Variants in TYW1 observed in about 807,000 individuals in gnomAD.
The protein encoded by TYW1 is tRNA-yW synthesizing protein 1 homolog, also known as S-adenosyl-L-methionine-dependent tRNA 4-demethylwyosine synthase TYW1.
In TYW1, 46 loss-of-function variants were observed where a neutral mutation model predicts 96.2. The observed-to-expected ratio is 0.48, with a 90% CI of 0.38 to 0.61. TYW1 has a LOEUF of 0.61. TYW1 is among the 20% of genes least tolerant of loss of function. The pLI is 0.00. For synonymous variants in TYW1, 274 were observed against 323.0 expected (o/e 0.85, Z 1.63); for missense variants, 684 against 909.6 (o/e 0.75, Z 3.19).
chr7:67,052,868 G>A (rs1370795392), intron 8 of TYW1, among the ~76,000 whole-genome samples: 4 of 151,884 alleles, frequency 2.6e-5, no homozygotes, highest in Admixed American at 2.6e-4. Context: ...ACCTGCCTCA[G>A]CCTCCTGAGT....
At chr7:67,084,485 T>TGGGAAA (rs1796480926) in intron 11 of TYW1, among the ~76,000 whole-genome samples, 1 of 152,100 alleles carries the variant, frequency 6.6e-6, no homozygotes, top group South Asian at 2.1e-4. Context: ...TCCCAGAGAT[T>TGGGAAA]GGGTCAGTAA....
At chr7:67,206,503 C>T (rs1800802593) in intron 15 of TYW1, among the ~76,000 whole-genome samples, 1 of 151,992 alleles carries the variant, frequency 6.6e-6, no homozygotes, top group Non-Finnish European at 1.5e-5. Context: ...TGGTGGCTGG[C>T]ACCTGTAATC....
At chr7:67,162,072 G>A (rs918584791) in intron 13 of TYW1, among the ~76,000 whole-genome samples, 1 of 151,990 alleles carries the variant, frequency 6.6e-6, no homozygotes, top group Non-Finnish European at 1.5e-5. Flanking sequence ...CAAGTTGGGC[G>A]GATCACAAGT....
chr7:67,109,268 C>T (rs143685054), intron 12 of TYW1, among the ~76,000 whole-genome samples: 22 of 121,450 alleles, frequency 1.8e-4, no homozygotes, highest in East Asian at 1.1e-3. Context: ...AGCGAGACTC[C>T]GTCTCAAAAA....
chr7:67,114,579 G>A (rs1444559638), intron 12 of TYW1, among the ~76,000 whole-genome samples: 3 of 152,172 alleles, frequency 2.0e-5, no homozygotes, highest in African/African-American at 7.2e-5. Context: ...GTTTTTGGGA[G>A]AGCAGAGGAT....
At chr7:67,139,348 G>A (rs531887819) in intron 13 of TYW1, among the ~76,000 whole-genome samples, 6 of 152,280 alleles carry the variant, frequency 3.9e-5, no homozygotes, top group South Asian at 2.1e-4. Flanking sequence ...CACCATGCCC[G>A]GCCTATTTAT....
chr7:67,066,631 T>A (rs1003437245), intron 9 of TYW1, among the ~76,000 whole-genome samples: 5 of 152,146 alleles, frequency 3.3e-5, no homozygotes, highest in African/African-American at 1.2e-4. Context: ...GGAGGATCGC[T>A]TGAGACCAGG....
chr7:67,091,046 C>T (rs1167680964), intron 11 of TYW1, among the ~76,000 whole-genome samples: 1 of 152,148 alleles, frequency 6.6e-6, no homozygotes, highest in Admixed American at 6.6e-5. Flanking sequence ...CCATTTGACC[C>T]AGCCATCCCA....
chr7:67,233,321 A>G lies in TYW1; in HGVS notation c.1978-4987A>G, dbSNP rs1465168926. ...AATCTTTTTAAACATTTACACTAAC[A>G]GAGAACCTATGCCATTATTATTGTT... On this transcript the variant is annotated intron_variant, in intron 15 of 15. Coordinates refer to ENST00000359626, the MANE Select transcript of TYW1 (RefSeq NM_018264.4). Among the ~76,000 whole-genome samples, 4 of 136,348 alleles carry G rather than the reference A, an allele frequency of 2.9e-5. 1 individual carries two copies. Among genetic ancestry groups the G allele is most frequent in the African/African-American group, 1.2e-4 (4 of 34,132 alleles). The allele number at this position is 136,348 out of a possible 152,430, so 89.4% of individuals were successfully genotyped here.
At chr7:67,237,369 A>G (rs4718495) in intron 15 of TYW1, among the ~76,000 whole-genome samples, 52,201 of 151,546 alleles carry the variant, frequency 0.34, 10,066 homozygotes, top group African/African-American at 0.53. Context: ...GTGTGCTGGC[A>G]GGAGCCAGTA....
intron 13 of TYW1, among the ~76,000 whole-genome samples, chr7:67,176,436 A>C (rs1563056260): frequency 2.0e-5 from 3 of 152,178 alleles, no homozygotes; most frequent in Non-Finnish European, 4.4e-5. Flanking sequence ...TAAAGACTAC[A>C]CTTGATCTTA....
rs1355096317 is a variant in TYW1 at position 67,233,865 on chromosome 7, G to C, written c.1978-4443G>C. On this transcript the variant is annotated intron_variant, in intron 15 of 15. Coordinates refer to ENST00000359626, the MANE Select transcript of TYW1 (RefSeq NM_018264.4). ...TTTGTCTTTTGGGTCTAGTGGTTCT[G>C]TTCATTTCAGAATAACTTACTCTTA... is the stretch of plus-strand genomic sequence containing the variant. Among the ~76,000 whole-genome samples, 2 of 136,134 alleles carry C rather than the reference G, an allele frequency of 1.5e-5. 1 individual carries two copies. Among genetic ancestry groups the C allele is most frequent in the Admixed American group, 1.5e-4 (2 of 13,566 alleles). The allele number at this position is 136,134 out of a possible 152,430, so 89.3% of individuals were successfully genotyped here.
chr7:67,140,875 G>A (rs1227819797), intron 13 of TYW1, among the ~76,000 whole-genome samples: 4 of 152,196 alleles, frequency 2.6e-5, no homozygotes, highest in Non-Finnish European at 4.4e-5. Context: ...GTTAAAATAA[G>A]TTATGGTTCA....
At chr7:67,130,827 A>G (rs1798051093) in intron 13 of TYW1, among the ~76,000 whole-genome samples, 1 of 152,060 alleles carries the variant, frequency 6.6e-6, no homozygotes, top group Non-Finnish European at 1.5e-5. Flanking sequence ...CACAGTCTGC[A>G]TTTGGCACTT....
chr7:67,200,195 T>C (rs988145936), intron 15 of TYW1, among the ~76,000 whole-genome samples: 2 of 152,028 alleles, frequency 1.3e-5, no homozygotes, highest in African/African-American at 4.8e-5. Context: ...TTCTCTATAA[T>C]GTTTGTTGAA....
rs1365709495 is a variant in TYW1, at chr7:67,061,921, G to A, written c.1156-5364G>A. 4.6e-5 allele frequency among the ~76,000 whole-genome samples: 7 copies of A among 152,192 alleles called. No homozygotes were observed. In the East Asian group the frequency reaches 7.7e-4, roughly 17 times the overall value. On this transcript the variant is annotated intron_variant, in intron 9 of 15. Transcript: ENST00000359626. The stretch of plus-strand genomic sequence containing the variant: ...AATGAAAAGTCACAAACACATCATC[G>A]TCATTAATTACTTAATTTGAAGTCA...
At chr7:67,021,663 C>T (rs1279789319) in intron 6 of TYW1, among the ~76,000 whole-genome samples, 1 of 151,880 alleles carries the variant, frequency 6.6e-6, no homozygotes, top group African/African-American at 2.4e-5. Flanking sequence ...GGGAATGTGT[C>T]GCATTAATTT....
In TYW1 at chr7:67,032,885, CTTTTTTTTTTTTTTTTT is replaced by C. The variant is rs778743156; in HGVS notation, c.984+7876_984+7892del. On this transcript the variant is annotated intron_variant, in intron 7 of 15. Transcript: ENST00000359626. Reference sequence around the variant, plus strand: ...ATTTTCCAGCAGCAGAGAAGTATACCTTTTTTTTTTTTTTTTTTTTTTTTTTTTTGAGACAGAATCTC... The same window carrying C: ...ATTTTCCAGCAGCAGAGAAGTATACCTTTTTTTTTTTTGAGACAGAATCTC... Among the ~76,000 whole-genome samples the C allele has an allele frequency of 6.6e-5, 5 of 76,278 alleles. No homozygotes were observed. The East Asian group carries it at 1.5e-3, about 22-fold the overall frequency. 50.0% of individuals were successfully genotyped at this position (76,278 alleles called of 152,430 possible).
At chr7:67,234,986 T>C (rs1218424937) in intron 15 of TYW1, among the ~76,000 whole-genome samples, 1 of 152,154 alleles carries the variant, frequency 6.6e-6, no homozygotes, top group African/African-American at 2.4e-5. Flanking sequence ...GTCCATTGTA[T>C]TGCTCAAACT....
Sources: gnomAD v4.1 joint callset for allele counts (sites outside exome capture counted in the v4.1 genomes callset) on GRCh38, gnomAD v4.1.1 for gene constraint, MANE v1.5 for transcripts, NCBI Gene and HGNC (gene_info 2026-07-23, HGNC 2026-07-21) for gene names.